The following IPMK variants were observed in gnomAD, a reference collection of about 807,000 sequenced individuals.
The protein encoded by IPMK is inositol polyphosphate multikinase, also known as inositol 1,3,4,6-tetrakisphosphate 5-kinase.
IPMK carries 17 observed loss-of-function variants against 45.8 expected under a neutral mutation model. The observed-to-expected ratio is 0.37, with a 90% confidence interval of 0.25 to 0.56. The LOEUF is 0.56. Among genes scored for constraint, IPMK ranks in the 20% least tolerant of loss-of-function variants. The probability of loss-of-function intolerance (pLI) is 0.79; values close to 1 mark genes in which losing one functional copy is unlikely to be tolerated. For missense variants in IPMK, 399 were observed against 498.0 expected (o/e 0.80, Z 1.89); for synonymous variants, 180 against 184.3 (o/e 0.98, Z 0.19).
At chr10:58,199,526 T>C (rs1425239419) in intron 4 of IPMK, among the ~76,000 whole-genome samples, 1 of 152,216 alleles carries the variant, frequency 6.6e-6, no homozygotes, top group Non-Finnish European at 1.5e-5. Flanking sequence ...GAAAACTCTC[T>C]GTAATATAAG....
At chr10:58,204,712 T>A (rs188966861) in intron 4 of IPMK, among the ~76,000 whole-genome samples, 1 of 152,258 alleles carries the variant, frequency 6.6e-6, no homozygotes, top group African/African-American at 2.4e-5. Context: ...GGAGGATTGC[T>A]TGAGCCCAGC....
chr10:58,222,157 T>G (rs751467128), intron 3 of IPMK, among the ~76,000 whole-genome samples: 17 of 152,184 alleles, frequency 1.1e-4, no homozygotes, highest in Non-Finnish European at 1.9e-4. Context: ...AGTGCTGGGA[T>G]TACAGGTGAG....
chr10:58,210,162 C>A (rs187129671), intron 4 of IPMK, among the ~76,000 whole-genome samples: 1 of 152,144 alleles, frequency 6.6e-6, no homozygotes, highest in Non-Finnish European at 1.5e-5. Context: ...TCCAGAGGAA[C>A]GTATTGCTGT....
At chr10:58,246,201 T>A (rs543176310) in intron 1 of IPMK, among the ~76,000 whole-genome samples, 25 of 146,948 alleles carry the variant, frequency 1.7e-4, no homozygotes, top group African/African-American at 6.3e-4. Context: ...GTAGGAAGAA[T>A]CAATATCGTG....
At chr10:58,224,030 A>T (rs1488829275) in intron 3 of IPMK, among the ~76,000 whole-genome samples, 1 of 152,248 alleles carries the variant, frequency 6.6e-6, no homozygotes, top group Non-Finnish European at 1.5e-5. Flanking sequence ...GGACTAATAC[A>T]ATAAGACCTT....
chr10:58,237,220 G>A (rs927645152), intron 2 of IPMK, among the ~76,000 whole-genome samples: 1 of 152,180 alleles, frequency 6.6e-6, no homozygotes, highest in Admixed American at 6.5e-5. Context: ...ACAAGAGACT[G>A]GAGGGTATGA....
At chr10:58,248,293 A>C (rs1838831945) in intron 1 of IPMK, among the ~76,000 whole-genome samples, 1 of 152,180 alleles carries the variant, frequency 6.6e-6, no homozygotes, top group Non-Finnish European at 1.5e-5. Flanking sequence ...CTGTACATTT[A>C]AAAATGGCCA....
intron 5 of IPMK, among the ~76,000 whole-genome samples, chr10:58,198,085 A>G (rs1263332860): frequency 6.6e-6 from 1 of 152,218 alleles, no homozygotes; most frequent in Non-Finnish European, 1.5e-5. Flanking sequence ...AATCTCATTT[A>G]GAGCTAACTA....
chr10:58,259,686 A>AAAAAAAAAAAAAAAAAAAAAAAAAAAAT (rs1229420431), intron 1 of IPMK, among the ~76,000 whole-genome samples: 1 of 150,008 alleles, frequency 6.7e-6, no homozygotes, highest in Non-Finnish European at 1.5e-5. Context: ...AAAAAAAAAA[A>AAAAAAAAAAAAAAAAAAAAAAAAAAAAT]ACAATTAGCC....
intron 3 of IPMK, among the ~76,000 whole-genome samples, chr10:58,225,632 A>C (rs1407274140): frequency 6.6e-6 from 1 of 152,172 alleles, no homozygotes; most frequent in East Asian, 1.9e-4. Flanking sequence ...TAAACTAAGC[A>C]TTTAATTACG....
At position 58,206,095 on chromosome 10, in the gene IPMK, T is replaced by C. The variant is rs140578783; in HGVS notation, c.547-6774A>G. ...GGATAAACAAAATGTGGTATATCCA[T>C]ATAATCGAATATTATTTGGCAATAA... On this transcript the variant is annotated intron_variant, in intron 4 of 5. Coordinates refer to ENST00000373935, the MANE Select transcript of IPMK (RefSeq NM_152230.5). 2.0e-5 allele frequency among the ~76,000 whole-genome samples: 3 copies of C among 152,332 alleles called. No individual in the cohort carries two copies. In the East Asian group the frequency reaches 5.8e-4, roughly 29 times the overall value.
intron 1 of IPMK, among the ~76,000 whole-genome samples, chr10:58,252,121 C>T (rs894421624): frequency 6.6e-6 from 1 of 152,004 alleles, no homozygotes; most frequent in African/African-American, 2.4e-5. Context: ...TGATTCTATG[C>T]CATTTATTTT....
rs757723741 is a variant in IPMK, at chr10:58,196,415, T to G, written c.912A>C (p.Gly304=). 1 of 1,614,138 alleles carries G rather than the reference T, an allele frequency of 6.2e-7. No homozygotes were observed. The change falls in exon 6 of 6, where the codon GGA becomes GGC. Residue 304 remains glycine (G), a synonymous_variant. Transcript: ENST00000373935. ...NFHVLSSTAN[G]KIESSVGKSL... The stretch of plus-strand genomic sequence containing the variant: ...TTTTGCCCACTGAAGACTCTATTTT[T>G]CCATTAGCTGTGGAACTTAACACAT...
intron 4 of IPMK, among the ~76,000 whole-genome samples, chr10:58,200,689 C>G (rs1837983942): frequency 6.6e-6 from 1 of 152,070 alleles, no homozygotes; most frequent in African/African-American, 2.4e-5. Context: ...GTATTCATAC[C>G]TGATATCTTA....
intron 1 of IPMK, among the ~76,000 whole-genome samples, chr10:58,241,762 A>C (rs1564536849): frequency 1.3e-5 from 2 of 151,960 alleles, no homozygotes; most frequent in African/African-American, 4.8e-5. Flanking sequence ...CTGTTGGTTC[A>C]AGACTTAACC....
chr10:58,267,482 T>A lies in IPMK; in HGVS notation c.130A>T (p.Asn44Tyr), dbSNP rs750858689. The A allele has an allele frequency of 5.0e-6, 8 of 1,613,714 alleles. No homozygotes were observed. Among genetic ancestry groups the A allele is most frequent in the Non-Finnish European group, 5.9e-6 (7 of 1,179,876 alleles). Reference protein sequence around the residue: ...QPAGGRLRFLNGCVPLSHQVA... With the variant: ...QPAGGRLRFLYGCVPLSHQVA... Reference sequence around the variant, plus strand: ...TGATGCGAGAGGGGCACGCAGCCGTTGAGGAAGCGGAGTCTGCCGCCCGCC... The same window carrying A: ...TGATGCGAGAGGGGCACGCAGCCGTAGAGGAAGCGGAGTCTGCCGCCCGCC... The change falls in exon 1 of 6, where the codon AAC (asparagine) becomes TAC (tyrosine). Residue 44 changes from asparagine (N) to tyrosine (Y), a missense_variant. By Grantham distance (143) the Asn-to-Tyr change is moderately radical. This residue lies in a region of IPMK where 111 missense variants were observed against 99.9 expected (regional missense o/e 1.11). Coordinates refer to ENST00000373935, the MANE Select transcript of IPMK (RefSeq NM_152230.5).
chr10:58,206,451 T>C (rs1838072831), intron 4 of IPMK, among the ~76,000 whole-genome samples: 1 of 152,228 alleles, frequency 6.6e-6, no homozygotes, highest in African/African-American at 2.4e-5. Flanking sequence ...AACAGAATGG[T>C]ATGTAAATGA....
chr10:58,224,240 T>C (rs1190821385), intron 3 of IPMK, among the ~76,000 whole-genome samples: 1 of 152,200 alleles, frequency 6.6e-6, no homozygotes, highest in Non-Finnish European at 1.5e-5. Flanking sequence ...TCAATCAGAC[T>C]AGAGATTACA....
intron 4 of IPMK, among the ~76,000 whole-genome samples, chr10:58,209,642 T>C (rs1328757054): frequency 2.0e-5 from 3 of 152,194 alleles, no homozygotes; most frequent in African/African-American, 7.2e-5. Flanking sequence ...CCTGCTCTAG[T>C]GGAGGTGGCA....
Sources: allele counts gnomAD v4.1 joint callset (sites outside exome capture counted in the v4.1 genomes callset), GRCh38; gene constraint gnomAD v4.1.1; regional missense constraint gnomAD v4.1.1; transcripts MANE v1.5; gene names NCBI Gene and HGNC (gene_info 2026-07-23, HGNC 2026-07-21).